The following DIO2 variants were observed in gnomAD, a reference collection of about 807,000 sequenced individuals.
DIO2 encodes type II iodothyronine deiodinase.
In DIO2, 19 loss-of-function variants were observed where a neutral mutation model predicts 21.4. The ratio of observed to expected loss-of-function variants is 0.89; its 90% confidence interval spans 0.62 to 1.30. DIO2 has a LOEUF of 1.30. DIO2 is among the 50% of genes most tolerant of loss of function. DIO2 has a pLI of 0.00. For missense variants in DIO2, 302 were observed against 338.1 expected, an observed-to-expected ratio of 0.89 and a Z score of 0.84; for synonymous variants, 122 against 132.9, an observed-to-expected ratio of 0.92 and a Z score of 0.57.
intron 1 of DIO2, among the ~76,000 whole-genome samples, chr14:80,206,581 C>T (rs187265220): frequency 2.1e-3 from 319 of 152,166 alleles, no homozygotes; most frequent in South Asian, 4.0e-3. Flanking sequence ...GCTCTCCCCA[C>T]GAGCAAAGCA....
intron 1 of DIO2, among the ~76,000 whole-genome samples, chr14:80,209,615 A>G (rs1275511176): frequency 2.0e-5 from 3 of 152,220 alleles, no homozygotes; most frequent in African/African-American, 7.2e-5. Flanking sequence ...TAATCAATTC[A>G]ATATCTACTT....
intron 1 of DIO2, among the ~76,000 whole-genome samples, chr14:80,206,952 T>C (rs1041410250): frequency 3.3e-5 from 5 of 152,188 alleles, no homozygotes; most frequent in African/African-American, 1.2e-4. Context: ...AGAAGCATCA[T>C]TTCCACTAAT....
upstream of DIO2, among the ~76,000 whole-genome samples, chr14:80,213,637 G>A (rs1359195050): frequency 6.6e-6 from 1 of 152,134 alleles, no homozygotes; most frequent in Admixed American, 6.5e-5. Flanking sequence ...CATGCTTGGC[G>A]CACAGTTGGC....
At chr14:80,226,981 G>C (rs1319497940) in intron 2 of DIO2, among the ~76,000 whole-genome samples, 1 of 152,174 alleles carries the variant, frequency 6.6e-6, no homozygotes, top group African/African-American at 2.4e-5. Context: ...CCAGCCAAAT[G>C]ATTGGCTACA....
intron 1 of DIO2, among the ~76,000 whole-genome samples, chr14:80,205,086 G>A (rs1478862110): frequency 2.0e-5 from 3 of 152,006 alleles, no homozygotes; most frequent in Non-Finnish European, 4.4e-5. Flanking sequence ...ACATTTAGCT[G>A]GATTCTTTCA....
At chr14:80,212,475 A>G (rs557709616), upstream of DIO2, among the ~76,000 whole-genome samples, 1 of 152,216 alleles carries the variant, frequency 6.6e-6, no homozygotes. Context: ...TAATGTGCAG[A>G]TTGATATGGC....
intron 1 of DIO2, among the ~76,000 whole-genome samples, chr14:80,210,874 A>G (rs1281519924): frequency 6.6e-6 from 1 of 152,156 alleles, no homozygotes; most frequent in African/African-American, 2.4e-5. Flanking sequence ...CCTCCCATCA[A>G]GCAAAAAATC....
upstream of DIO2, chr14:80,212,310 G>A (rs1004321882): frequency 1.3e-5 from 2 of 151,472 alleles, no homozygotes; most frequent in East Asian, 3.9e-4. Flanking sequence ...CAGGATTGCA[G>A]TGAATAGAAA....
At chr14:80,221,582 C>A (rs1034054620) in intron 2 of DIO2, among the ~76,000 whole-genome samples, 1 of 152,014 alleles carries the variant, frequency 6.6e-6, no homozygotes, top group African/African-American at 2.4e-5. Flanking sequence ...TACATCTATC[C>A]CAAAATGCAA....
chr14:80,224,369 T>C (rs141144534), intron 2 of DIO2, among the ~76,000 whole-genome samples: 1 of 152,202 alleles, frequency 6.6e-6, no homozygotes, highest in Non-Finnish European at 1.5e-5. Flanking sequence ...TGTTGTCTTA[T>C]TTGGAAAAAG....
At chr14:80,210,604 T>G (rs2140007873) in intron 1 of DIO2, among the ~76,000 whole-genome samples, 1 of 152,338 alleles carries the variant, frequency 6.6e-6, no homozygotes, top group East Asian at 1.9e-4. Context: ...TTTCGCAAGT[T>G]GATATCTAGT....
intron 1 of DIO2, chr14:80,205,624 G>A (rs748959744): frequency 7.5e-7 from 1 of 1,331,836 alleles, no homozygotes; most frequent in Non-Finnish European, 9.8e-7. Context: ...TTCTTGGAAA[G>A]TTAAGGCACC....
At chr14:80,221,577 C>G (rs1888466445) in intron 2 of DIO2, among the ~76,000 whole-genome samples, 1 of 152,150 alleles carries the variant, frequency 6.6e-6, no homozygotes, top group Non-Finnish European at 1.5e-5. Context: ...TCATTTACAT[C>G]TATCCCAAAA....
chr14:80,216,903 T>C (rs1449262995), intron 2 of DIO2, among the ~76,000 whole-genome samples: 1 of 152,196 alleles, frequency 6.6e-6, no homozygotes, highest in Non-Finnish European at 1.5e-5. Context: ...TAAATGGCTT[T>C]ACAGCAGCTT....
chr14:80,211,202 G>A (rs1888173395), intron 1 of DIO2, 49 bp downstream of exon 1: 1 of 1,549,714 alleles, frequency 6.5e-7, no homozygotes, highest in African/African-American at 1.4e-5. Flanking sequence ...CAGCATATGA[G>A]CCCCTGCCCC....
chr14:80,215,409 A>C (rs1888327694), upstream of DIO2, among the ~76,000 whole-genome samples: 1 of 152,194 alleles, frequency 6.6e-6, no homozygotes, highest in African/African-American at 2.4e-5. Flanking sequence ...TTGAGAAAAT[A>C]AAGTTGGATA....
upstream of DIO2, chr14:80,211,942 T>C (rs901561705): frequency 6.6e-6 from 1 of 151,104 alleles, no homozygotes; most frequent in Admixed American, 6.6e-5. Flanking sequence ...GTCTCTATGC[T>C]CTTTAAACGT....
chr14:80,202,878 C>T lies in DIO2; in HGVS notation c.633G>A (p.Val211=). The T allele has an allele frequency of 6.2e-7, 1 of 1,613,952 alleles. No homozygotes were observed. The highest frequency in any genetic ancestry group is 1.6e-4 in the Middle Eastern group (1 of 6,062). The stretch of plus-strand genomic sequence containing the variant: ...TGGCGTTATTGTCCATGCGGTCAGC[C>T]ACAACTCGGCACTGGGGCGGCAAGG... The part of the protein sequence containing the change: ...RFSLPPQCRV[V]ADRMDNNANI... The change falls in exon 2 of 2, where the codon GTG becomes GTA. Residue 211 remains valine (V), a synonymous_variant. Coordinates refer to ENST00000438257, the MANE Select transcript of DIO2 (RefSeq NM_013989.5).
At chr14:80,221,455 T>A (rs529027453) in intron 2 of DIO2, among the ~76,000 whole-genome samples, 8 of 152,318 alleles carry the variant, frequency 5.3e-5, no homozygotes, top group Middle Eastern at 3.4e-3. Flanking sequence ...TTTTCATAAA[T>A]TATTGAACCA....
Sources: gnomAD v4.1 joint callset for allele counts (sites outside exome capture counted in the v4.1 genomes callset) on GRCh38, gnomAD v4.1.1 for gene constraint, MANE v1.5 for transcripts, NCBI Gene and HGNC (gene_info 2026-07-23, HGNC 2026-07-21) for gene names.